Variants in STAC observed in about 807,000 individuals in gnomAD.
The protein encoded by STAC is SH3 and cysteine-rich domain-containing protein.
A neutral mutation model predicts 48.8 loss-of-function variants in STAC; 43 were observed. That is an observed-to-expected ratio of 0.88 (90% CI 0.69 to 1.14). The LOEUF is 1.14. Among genes scored for constraint, STAC ranks in the 50% most tolerant of loss-of-function variants. The pLI is 0.00. For missense variants in STAC, 497 were observed against 504.0 expected (o/e 0.99, Z 0.13); for synonymous variants, 193 against 179.5 (o/e 1.07, Z -0.60).
chr3:36,450,469 A>G (rs536360181), intron 2 of STAC, among the ~76,000 whole-genome samples: 4 of 152,282 alleles, frequency 2.6e-5, no homozygotes, highest in Admixed American at 2.6e-4. Flanking sequence ...TAATGCAAAG[A>G]CACTTGGTGC....
intron 2 of STAC, among the ~76,000 whole-genome samples, chr3:36,456,775 A>G (rs1051376592): frequency 6.6e-6 from 1 of 152,112 alleles, no homozygotes; most frequent in African/African-American, 2.4e-5. Flanking sequence ...AATCCCTTCC[A>G]TGACCACAGT....
chr3:36,441,944 T>TG (rs1041254112), intron 1 of STAC, among the ~76,000 whole-genome samples: 5 of 143,864 alleles, frequency 3.5e-5, no homozygotes, highest in Middle Eastern at 3.4e-3. Flanking sequence ...TGGAGGTTTG[T>TG]GTTTTTTTTG....
intron 10 of STAC, 44 bp downstream of exon 10, chr3:36,529,029 G>T: frequency 6.5e-7 from 1 of 1,528,810 alleles, no homozygotes; most frequent in South Asian, 1.3e-5. Flanking sequence ...AGCCAAATAG[G>T]GTGTCATTTT....
chr3:36,393,763 G>T (rs562340285), intron 1 of STAC, among the ~76,000 whole-genome samples: 1 of 150,600 alleles, frequency 6.6e-6, no homozygotes, highest in African/African-American at 2.4e-5. Context: ...TGATCATACT[G>T]GCACCCTGAT....
chr3:36,525,960 C>T lies in STAC; in HGVS notation c.921-2736C>T, dbSNP rs187085150. ...ATGAATACGCAAATCTACTTTTGCT[C>T]CAATTCCTAAACATGTCAGAAAATA... On this transcript the variant is annotated intron_variant, in intron 8 of 10. Coordinates refer to ENST00000273183, the MANE Select transcript of STAC (RefSeq NM_003149.3). 9.3e-4 allele frequency among the ~76,000 whole-genome samples: 141 copies of T among 152,276 alleles called. 1 individual carries two copies. The Middle Eastern group carries it at 0.031, about 33-fold the overall frequency.
chr3:36,451,572 A>G (rs951075940), intron 2 of STAC, among the ~76,000 whole-genome samples: 1 of 152,128 alleles, frequency 6.6e-6, no homozygotes, highest in Non-Finnish European at 1.5e-5. Flanking sequence ...CCACCATTCT[A>G]TTCTATTACT....
chr3:36,443,325 A>G lies in STAC; in HGVS notation c.112-39A>G. On this transcript the variant is annotated intron_variant, in intron 1 of 10. Coordinates refer to ENST00000273183, the MANE Select transcript of STAC (RefSeq NM_003149.3). This position sits in a 1 kb window ranked among gnomAD's most constrained non-coding sequence, Gnocchi z 4.2. ...CCCACAGCCTAGGTCTGCTTGATCC[A>G]TTGATCGTAAGAGAGACTGTTCTGT... 6.2e-7 allele frequency: 1 copy of G among 1,611,264 alleles called. No homozygotes were observed. Among genetic ancestry groups the G allele is most frequent in the Non-Finnish European group, 8.5e-7 (1 of 1,178,774 alleles).
At chr3:36,416,231 G>C (rs1222883141) in intron 1 of STAC, among the ~76,000 whole-genome samples, 1 of 152,178 alleles carries the variant, frequency 6.6e-6, no homozygotes, top group Non-Finnish European at 1.5e-5. Context: ...AGCTACTCTG[G>C]AAGCTGGTGT....
At chr3:36,415,208 A>C (rs959996198) in intron 1 of STAC, among the ~76,000 whole-genome samples, 41 of 152,220 alleles carry the variant, frequency 2.7e-4, no homozygotes, top group African/African-American at 8.7e-4. Context: ...TCAGACAGGG[A>C]CATTTAAGTC....
chr3:36,493,359 T>C, intron 6 of STAC, 130 bp downstream of exon 6: 1 of 768,548 alleles, frequency 1.3e-6, no homozygotes, highest in South Asian at 1.7e-5. Flanking sequence ...GTGTTCAATG[T>C]TCTGGAGAGA....
At chr3:36,423,072 G>A (rs557160214) in intron 1 of STAC, among the ~76,000 whole-genome samples, 11 of 152,114 alleles carry the variant, frequency 7.2e-5, no homozygotes, top group South Asian at 2.1e-4. Context: ...CCAAGATACC[G>A]TTCATCTGTT....
intron 2 of STAC, among the ~76,000 whole-genome samples, chr3:36,462,158 T>C (rs1241915217): frequency 6.6e-6 from 1 of 152,002 alleles, no homozygotes; most frequent in Non-Finnish European, 1.5e-5. Flanking sequence ...ATGGGAAAAA[T>C]AGGAGATGGG....
chr3:36,421,313 T>C (rs1024740154), intron 1 of STAC, among the ~76,000 whole-genome samples: 2 of 152,232 alleles, frequency 1.3e-5, no homozygotes, highest in African/African-American at 4.8e-5. Context: ...TTTAATTGTA[T>C]ATATTTGTAA....
chr3:36,395,721 T>C lies in STAC; in HGVS notation c.111+14967T>C, dbSNP rs536198496. On this transcript the variant is annotated intron_variant, in intron 1 of 10. Coordinates refer to ENST00000273183, the MANE Select transcript of STAC (RefSeq NM_003149.3). ...ACAAAGTCATCAAGAATTAAAAGTG[T>C]TAGTCTCACTGCTTATGGAAGCTCT... is the stretch of plus-strand genomic sequence containing the variant. Among the ~76,000 whole-genome samples the C allele has an allele frequency of 2.0e-5, 3 of 152,260 alleles. No individual in the cohort carries two copies. In the South Asian group the frequency reaches 6.2e-4, roughly 32 times the overall value.
chr3:36,405,200 G>A (rs775184459), intron 1 of STAC, among the ~76,000 whole-genome samples: 30 of 152,150 alleles, frequency 2.0e-4, no homozygotes, highest in African/African-American at 4.6e-4. Flanking sequence ...GCTTAAACCC[G>A]AATGCAAACC....
chr3:36,471,071 C>T (rs917712845), intron 2 of STAC, among the ~76,000 whole-genome samples: 4 of 152,010 alleles, frequency 2.6e-5, no homozygotes, highest in East Asian at 1.9e-4. Flanking sequence ...AAGACATACC[C>T]GAAACTGGGA....
chr3:36,519,502 A>T (rs988915487), intron 8 of STAC, among the ~76,000 whole-genome samples: 14 of 152,162 alleles, frequency 9.2e-5, no homozygotes, highest in Non-Finnish European at 1.8e-4. Context: ...TCATTGTTCT[A>T]AGTTTTCTCT....
In STAC at chr3:36,505,728, T is replaced by C; in HGVS notation, c.832-18T>C. 1 of 1,532,452 alleles carries C rather than the reference T, an allele frequency of 6.5e-7. No homozygotes were observed. The highest frequency in any genetic ancestry group is 1.2e-5 in the South Asian group (1 of 83,198). 94.9% of individuals were successfully genotyped at this position (1,532,452 alleles called of 1,614,324 possible). A position where few individuals can be genotyped will look rare whatever the true frequency, so the allele number is the denominator to read the frequency against. On this transcript the variant is annotated intron_variant, in intron 7 of 10. Coordinates refer to ENST00000273183, the MANE Select transcript of STAC (RefSeq NM_003149.3). ...TTTCACCTTTCTTTTCTCATTTTTC[T>C]TTTATTTTCTCTTTCAGGGATCTCT...
At chr3:36,456,046 G>A (rs975854918) in intron 2 of STAC, among the ~76,000 whole-genome samples, 4 of 130,752 alleles carry the variant, frequency 3.1e-5, no homozygotes, top group Non-Finnish European at 6.6e-5. Flanking sequence ...ACATGTATGT[G>A]CATCACATAC....
Sources: gnomAD v4.1 joint callset for allele counts (sites outside exome capture counted in the v4.1 genomes callset) on GRCh38, gnomAD v4.1.1 for gene constraint, Gnocchi (gnomAD v3.1) non-coding constraint, MANE v1.5 for transcripts, NCBI Gene and HGNC (gene_info 2026-07-23, HGNC 2026-07-21) for gene names.